UNC5B: variants seen among roughly 807,000 people sequenced by gnomAD.
The protein encoded by UNC5B is netrin receptor UNC5B.
Under a neutral mutation model 103.7 loss-of-function variants are expected in UNC5B, and 56 were observed. That is an observed-to-expected ratio of 0.54 (90% CI 0.44 to 0.67). The LOEUF (loss-of-function observed/expected upper bound fraction) is 0.67, where lower values mean the gene tolerates loss of function less well. UNC5B is among the 30% of genes least tolerant of loss of function. UNC5B has a pLI of 0.00. For missense variants in UNC5B, 1,194 were observed against 1,284.5 expected (o/e 0.93, Z 1.08); for synonymous variants, 577 against 542.0 (o/e 1.06, Z -0.90).
intron 1 of UNC5B, among the ~76,000 whole-genome samples, chr10:71,271,047 C>G (rs574111809): frequency 5.6e-4 from 85 of 152,216 alleles, no homozygotes; most frequent in African/African-American, 1.7e-3. Flanking sequence ...GGGGGCCAGG[C>G]TGGCCCCAGG....
intron 1 of UNC5B, among the ~76,000 whole-genome samples, chr10:71,272,684 C>T (rs1844674735): frequency 2.0e-5 from 3 of 152,296 alleles, no homozygotes; most frequent in South Asian, 4.2e-4. Flanking sequence ...TTAGTCACTT[C>T]CCCTCTCTGA....
At position 71,293,394 on chromosome 10, in the gene UNC5B, T is replaced by C; in HGVS notation, c.1773-11T>C. On this transcript the variant is annotated splice_polypyrimidine_tract_variant and intron_variant, in intron 11 of 16. Coordinates refer to ENST00000335350, the MANE Select transcript of UNC5B (RefSeq NM_170744.5). ...TTCACTGCCTCTCTCCTACCCTGTG[T>C]CCTCCTCCAGCCCGCTTTCAGAAGG... is the stretch of plus-strand genomic sequence containing the variant. The C allele has an allele frequency of 6.2e-7, 1 of 1,609,158 alleles. No individual in the cohort carries two copies. The highest frequency in any genetic ancestry group is 1.3e-5 in the African/African-American group (1 of 74,962).
At chr10:71,219,050 G>A (rs561575208) in intron 1 of UNC5B, among the ~76,000 whole-genome samples, 1 of 152,276 alleles carries the variant, frequency 6.6e-6, no homozygotes, top group East Asian at 1.9e-4. Context: ...TTCAACTCTA[G>A]GATAAGATGG....
chr10:71,288,671 C>G lies in UNC5B; in HGVS notation c.1005C>G (p.Gly335=). The G allele has an allele frequency of 1.2e-6, 2 of 1,613,784 alleles. No homozygotes were observed. The highest frequency in any genetic ancestry group is 1.7e-6 in the Non-Finnish European group (2 of 1,179,984). ...TGGCGCCCCCACCCCAGAACGGAGG[C>G]CGTGACTGCAGCGGGACGCTGCTCG... ...ECMAPPPQNG[G]RDCSGTLLDS... is the part of the protein sequence containing the mutation. Residue 335 remains glycine, a synonymous_variant, in exon 7 of 17, where the codon GGC becomes GGG. Coordinates refer to ENST00000335350, the MANE Select transcript of UNC5B (RefSeq NM_170744.5).
At chr10:71,235,079 C>G (rs1461313398) in intron 1 of UNC5B, among the ~76,000 whole-genome samples, 1 of 144,868 alleles carries the variant, frequency 6.9e-6, no homozygotes, top group East Asian at 2.1e-4. Context: ...GGACTCGCTG[C>G]CGCTGCCTCT....
At chr10:71,295,058 G>C (rs1845371645) in intron 13 of UNC5B, among the ~76,000 whole-genome samples, 1 of 152,184 alleles carries the variant, frequency 6.6e-6, no homozygotes, top group African/African-American at 2.4e-5. Context: ...GCCCCGTCCA[G>C]CTCCTTCATC....
intron 16 of UNC5B, 132 bp downstream of exon 16, chr10:71,298,222 A>T (rs752198093): frequency 1.2e-4 from 131 of 1,051,670 alleles, no homozygotes; most frequent in Non-Finnish European, 1.7e-4. Flanking sequence ...CATTTGTGGC[A>T]AATCAGCAAC....
chr10:71,278,682 A>G (rs988078435), intron 1 of UNC5B, among the ~76,000 whole-genome samples: 5 of 152,184 alleles, frequency 3.3e-5, no homozygotes, highest in African/African-American at 1.2e-4. Flanking sequence ...CAAGTGCACG[A>G]TCCCAGTGGC....
intron 1 of UNC5B, among the ~76,000 whole-genome samples, chr10:71,238,510 T>A (rs997087243): frequency 1.3e-5 from 2 of 152,168 alleles, no homozygotes; most frequent in Non-Finnish European, 2.9e-5. Context: ...TCTCACTCTG[T>A]CACCCAGGCT....
At chr10:71,282,782 T>C (rs1370641224) in intron 2 of UNC5B, among the ~76,000 whole-genome samples, 1 of 151,892 alleles carries the variant, frequency 6.6e-6, no homozygotes, top group African/African-American at 2.4e-5. Context: ...TCCTCAACAA[T>C]AGGAGAGTTA....
chr10:71,286,220 G>A (rs1424918930), intron 4 of UNC5B, among the ~76,000 whole-genome samples: 1 of 152,204 alleles, frequency 6.6e-6, no homozygotes, highest in Non-Finnish European at 1.5e-5. Context: ...GAGTGGCAGA[G>A]CTGGGGTTTG....
intron 1 of UNC5B, among the ~76,000 whole-genome samples, chr10:71,228,113 C>G (rs570145288): frequency 6.6e-6 from 1 of 152,270 alleles, no homozygotes; most frequent in African/African-American, 2.4e-5. Context: ...GGGGTTAAGA[C>G]AGACTTTTTA....
chr10:71,248,863 TCTCTCACA>T (rs748885776), intron 1 of UNC5B, among the ~76,000 whole-genome samples: 29 of 30,724 alleles, frequency 9.4e-4, no homozygotes, highest in Non-Finnish European at 1.4e-3. Context: ...TCTCTCTCTC[TCTCTCACA>T]CACACACACA....
At chr10:71,252,748 A>G (rs1165908539) in intron 1 of UNC5B, among the ~76,000 whole-genome samples, 3 of 152,140 alleles carry the variant, frequency 2.0e-5, no homozygotes, top group Non-Finnish European at 4.4e-5. Flanking sequence ...CTGCCTTGTG[A>G]GACGGCACCT....
Position 71,237,500 on chromosome 10 carries a change from C to T in UNC5B, c.79+24436C>T, listed in dbSNP as rs150854514. Among the ~76,000 whole-genome samples, 32 of 152,174 alleles carry T rather than the reference C, an allele frequency of 2.1e-4. No homozygotes were observed. In the East Asian group the frequency reaches 5.8e-3, roughly 28 times the overall value. On this transcript the variant is annotated intron_variant, in intron 1 of 16. Coordinates refer to ENST00000335350, the MANE Select transcript of UNC5B (RefSeq NM_170744.5). ...TACTGACCATGTGCCCTTGGGGTCA[C>T]CTCTTAAGACCTCAGTTCTCTCATC...
At chr10:71,256,520 C>T (rs1320088692) in intron 1 of UNC5B, among the ~76,000 whole-genome samples, 1 of 152,260 alleles carries the variant, frequency 6.6e-6, no homozygotes, top group African/African-American at 2.4e-5. Flanking sequence ...AGGATAGGTT[C>T]GGGAACAGAG....
At chr10:71,271,506 C>T (rs1844645350) in intron 1 of UNC5B, among the ~76,000 whole-genome samples, 3 of 152,200 alleles carry the variant, frequency 2.0e-5, no homozygotes, top group South Asian at 2.1e-4. Context: ...AAAAATTAGC[C>T]CCAAGACTGA....
intron 1 of UNC5B, among the ~76,000 whole-genome samples, chr10:71,259,385 C>CAAAA (rs57245329): frequency 1.1e-5 from 1 of 90,282 alleles, no homozygotes; most frequent in African/African-American, 3.6e-5. Context: ...GACTCCATCT[C>CAAAA]AAAAAAAAAA....
In UNC5B at chr10:71,298,044, C is replaced by G; in HGVS notation, c.2626C>G (p.Arg876Gly). Reference sequence around the variant, plus strand: ...CAACAGCCTAGATGCCCCCAACTCACGGGGCAATGACTGGCGGATGTTAGC... The same window carrying G: ...CAACAGCCTAGATGCCCCCAACTCAGGGGGCAATGACTGGCGGATGTTAGC... The part of the protein sequence containing the change: ...ICNSLDAPNS[R>G]GNDWRMLAQK... Residue 876 changes from arginine (R) to glycine (G), a missense_variant, in exon 16 of 17, where the codon CGG becomes GGG. Coordinates refer to ENST00000335350, the MANE Select transcript of UNC5B (RefSeq NM_170744.5). 1.2e-6 allele frequency: 2 copies of G among 1,613,564 alleles called. No individual in the cohort carries two copies. Among genetic ancestry groups the G allele is most frequent in the Non-Finnish European group, 1.7e-6 (2 of 1,179,892 alleles).
Sources: gnomAD v4.1 joint callset for allele counts (sites outside exome capture counted in the v4.1 genomes callset) on GRCh38, gnomAD v4.1.1 for gene constraint, MANE v1.5 for transcripts, NCBI Gene and HGNC (gene_info 2026-07-23, HGNC 2026-07-21) for gene names.